The following EFCAB8 variants were observed in gnomAD, a reference collection of about 807,000 sequenced individuals.
EFCAB8 encodes the protein EF-hand calcium binding domain 8.
Under a neutral mutation model 116.3 loss-of-function variants are expected in EFCAB8, and 100 were observed. The observed-to-expected ratio is 0.86, with a 90% CI of 0.73 to 1.02. EFCAB8 has a LOEUF of 1.02. EFCAB8 is among the 50% of genes least tolerant of loss of function. The pLI is 0.00. For missense variants in EFCAB8, 1,320 were observed against 1,416.9 expected (o/e 0.93, Z 1.10); for synonymous variants, 558 against 567.9 (o/e 0.98, Z 0.25).
intron 8 of EFCAB8, 89 bp from the exon 9 acceptor site, chr20:32,893,085 C>A: frequency 1.3e-6 from 2 of 1,487,836 alleles, no homozygotes; most frequent in African/African-American, 1.4e-5. Context: ...AGGTGATTAA[C>A]CTACCTTGGC....
At chr20:32,951,926 A>G (rs1053516314) in intron 23 of EFCAB8, among the ~76,000 whole-genome samples, 1 of 152,158 alleles carries the variant, frequency 6.6e-6, no homozygotes, top group African/African-American at 2.4e-5. Context: ...ATTTTTCTCC[A>G]CTACTGTGGC....
At chr20:32,882,730 C>T (rs1269380848) in intron 5 of EFCAB8, among the ~76,000 whole-genome samples, 1 of 151,792 alleles carries the variant, frequency 6.6e-6, no homozygotes, top group Non-Finnish European at 1.5e-5. Context: ...GAGCCTTGCT[C>T]GGTCGCCCAG....
At chr20:32,876,180 GGGACTTGC>G in intron 4 of EFCAB8, 136 bp downstream of exon 4, 1 of 747,014 alleles carries the variant, frequency 1.3e-6, no homozygotes, top group Non-Finnish European at 2.2e-6. Context: ...CCCCAGTCGG[GGGACTTGC>G]CTGGTGGAGA....
chr20:32,944,545 T>C (rs780128612), intron 23 of EFCAB8, among the ~76,000 whole-genome samples: 4 of 152,222 alleles, frequency 2.6e-5, no homozygotes, highest in Non-Finnish European at 5.9e-5. Context: ...TCTATGTGTT[T>C]ACATTTATCA....
At position 32,869,643 on chromosome 20, in the gene EFCAB8, C is replaced by A. The variant is rs183171243; in HGVS notation, c.208+1896C>A. ...GGTTAGAAGCAAGTCACAGGTCCCA[C>A]CACACTCCAGGGGAGGGGATCGAAG... is the stretch of plus-strand genomic sequence containing the variant. On this transcript the variant is annotated intron_variant, in intron 3 of 26. Coordinates refer to ENST00000400522, the MANE Select transcript of EFCAB8 (RefSeq NM_001143967.2). Among the ~76,000 whole-genome samples the A allele has an allele frequency of 5.4e-3, 826 of 152,268 alleles. 2 individuals carry two copies. Among genetic ancestry groups the A allele is most frequent in the Non-Finnish European group, 7.1e-3 (485 of 68,010 alleles).
chr20:32,937,525 C>T (rs947609674), intron 22 of EFCAB8, among the ~76,000 whole-genome samples: 13 of 152,074 alleles, frequency 8.5e-5, no homozygotes, highest in Non-Finnish European at 1.6e-4. Context: ...CTGAATGTAA[C>T]AAGTAAGGAG....
intron 22 of EFCAB8, among the ~76,000 whole-genome samples, chr20:32,932,101 G>A (rs552007185): frequency 4.6e-4 from 70 of 152,158 alleles, no homozygotes; most frequent in African/African-American, 1.3e-3. Flanking sequence ...GTGGTGGGCC[G>A]GGCACGGTGG....
At chr20:32,904,143 C>T (rs1986560231) in intron 11 of EFCAB8, among the ~76,000 whole-genome samples, 1 of 151,944 alleles carries the variant, frequency 6.6e-6, no homozygotes, top group Non-Finnish European at 1.5e-5. Context: ...TGCAGGTGCA[C>T]CACCATGCCC....
chr20:32,894,532 CA>C (rs1986069732), intron 9 of EFCAB8, among the ~76,000 whole-genome samples: 2 of 152,198 alleles, frequency 1.3e-5, no homozygotes, highest in African/African-American at 4.8e-5. Context: ...ACTGTTTGGG[CA>C]GGAGTCCTTC....
intron 20 of EFCAB8, among the ~76,000 whole-genome samples, chr20:32,929,321 A>G (rs542332191): frequency 1.3e-3 from 193 of 152,266 alleles, no homozygotes; most frequent in African/African-American, 3.7e-3. Flanking sequence ...CTTTGGGCAC[A>G]AGGGACTTCT....
chr20:32,881,310 C>T (rs920509327), intron 5 of EFCAB8, among the ~76,000 whole-genome samples: 1 of 152,320 alleles, frequency 6.6e-6, no homozygotes, highest in South Asian at 2.1e-4. Context: ...GATTCTTCTG[C>T]CTCAGCCTCC....
chr20:32,891,190 A>T (rs973583294), intron 7 of EFCAB8, among the ~76,000 whole-genome samples: 1 of 151,904 alleles, frequency 6.6e-6, no homozygotes, highest in African/African-American at 2.4e-5. Flanking sequence ...GCTCACTGCA[A>T]CCTCTGCCTC....
intron 11 of EFCAB8, 29 bp downstream of exon 11, chr20:32,898,652 CGGTGGGGCT>C: frequency 1.4e-6 from 1 of 708,910 alleles, no homozygotes; most frequent in Middle Eastern, 2.3e-4. Context: ...CTGGCTAAGG[CGGTGGGGCT>C]GGAAGGGAGG....
At chr20:32,912,733 A>AG in intron 16 of EFCAB8, 61 bp from the exon 17 acceptor site, 2 of 715,040 alleles carry the variant, frequency 2.8e-6, no homozygotes, top group South Asian at 3.0e-5. Flanking sequence ...GAAGACATTT[A>AG]GGGCCCAGAG....
chr20:32,932,376 CA>C (rs11483513), intron 22 of EFCAB8, among the ~76,000 whole-genome samples: 2 of 149,804 alleles, frequency 1.3e-5, no homozygotes, highest in Non-Finnish European at 3.0e-5. Context: ...GACTCTGTCT[CA>C]AAAAAAAAAA....
Position 32,892,213 on chromosome 20 carries a change from A to G in EFCAB8, c.674A>G (p.Asp225Gly), listed in dbSNP as rs2096771904. Residue 225 changes from aspartate to glycine, a missense_variant and splice_region_variant, in exon 8 of 27, where the codon GAT becomes GGT. Transcript: ENST00000400522. ...VAVASTRQKIDFFDISDHKCV... is the reference protein window; with the variant it reads ...VAVASTRQKIGFFDISDHKCV... ...ATGTGGCCTTCTGTCTTTCCCCCAG[A>G]TTTCTTTGATATTAGTGACCACAAA... The G allele has an allele frequency of 6.4e-7, 1 of 1,551,474 alleles. No individual in the cohort carries two copies. Among genetic ancestry groups the G allele is most frequent in the African/African-American group, 1.4e-5 (1 of 73,032 alleles).
At chr20:32,913,602 T>C (rs1987043285) in intron 17 of EFCAB8, among the ~76,000 whole-genome samples, 1 of 151,300 alleles carries the variant, frequency 6.6e-6, no homozygotes, top group African/African-American at 2.5e-5. Context: ...AACTTTAATG[T>C]CTAAGTCCAA....
intron 10 of EFCAB8, among the ~76,000 whole-genome samples, chr20:32,897,709 G>A (rs1196575078): frequency 1.3e-5 from 2 of 152,068 alleles, no homozygotes; most frequent in Admixed American, 6.6e-5. Context: ...CACTGCACCC[G>A]CTCTTCTGTC....
At chr20:32,915,408 T>G (rs1987139614) in intron 17 of EFCAB8, among the ~76,000 whole-genome samples, 1 of 152,228 alleles carries the variant, frequency 6.6e-6, no homozygotes, top group Non-Finnish European at 1.5e-5. Context: ...TTTGCCATTT[T>G]GTAACAAGTA....
Sources: allele counts gnomAD v4.1 joint callset (sites outside exome capture counted in the v4.1 genomes callset), GRCh38; gene constraint gnomAD v4.1.1; transcripts MANE v1.5; gene names NCBI Gene and HGNC (gene_info 2026-07-23, HGNC 2026-07-21).